PCDHGA11: variants seen among roughly 807,000 people sequenced by gnomAD.
The protein encoded by PCDHGA11 is protocadherin gamma subfamily A, 11.
PCDHGA11 carries 39 observed loss-of-function variants against 60.4 expected under a neutral mutation model. The ratio of observed to expected loss-of-function variants is 0.65; its 90% confidence interval spans 0.50 to 0.84. The LOEUF (loss-of-function observed/expected upper bound fraction) is 0.84. PCDHGA11 is among the 40% of genes least tolerant of loss of function. The pLI is 0.00. For synonymous variants in PCDHGA11, 533 were observed against 510.3 expected (o/e 1.04, Z -0.60); for missense variants, 1,165 against 1,197.7 (o/e 0.97, Z 0.40).
chr5:141,422,777 C>T lies in PCDHGA11; in HGVS notation c.1550C>T (p.Ala517Val). The T allele has an allele frequency of 6.2e-7, 1 of 1,613,982 alleles. No homozygotes were observed. The highest frequency in any genetic ancestry group is 8.5e-7 in the Non-Finnish European group (1 of 1,179,874). Residue 517 changes from alanine (A) to valine (V), a missense_variant, in exon 1 of 4, where the codon GCC becomes GTC. Ala to Val is a moderately conservative substitution (Grantham distance 64, BLOSUM62 0). Transcript: ENST00000398587. ...SINSNTGVLY[A>V]LQSFDYEQFR... is the part of the protein sequence containing the mutation. ...AACTCCAACACTGGTGTTCTCTATG[C>T]CCTACAATCCTTCGACTATGAGCAG...
At position 141,421,474 on chromosome 5, in the gene PCDHGA11, G is replaced by C. The variant is rs1320526226; in HGVS notation, c.247G>C (p.Gly83Arg). 4 of 1,614,132 alleles carry C rather than the reference G, an allele frequency of 2.5e-6. No homozygotes were observed. The African/African-American group carries it at 5.3e-5, about 21-fold the overall frequency. Residue 83 changes from glycine (G) to arginine (R), a missense_variant, in exon 1 of 4, where the codon GGC (glycine) becomes CGC (arginine). Physicochemically the swap from Gly to Arg is moderately radical, Grantham distance 125. Coordinates refer to ENST00000398587, the MANE Select transcript of PCDHGA11 (RefSeq NM_018914.3). Reference protein sequence around the residue: ...TQLFAVNPRSGSLITAGRIDR... With the variant: ...TQLFAVNPRSRSLITAGRIDR... ...GCTTTTCGCTGTGAATCCGCGAAGCGGCAGCTTGATCACGGCAGGCAGGAT... is the reference window on the plus strand; with the variant it reads ...GCTTTTCGCTGTGAATCCGCGAAGCCGCAGCTTGATCACGGCAGGCAGGAT...
At chr5:141,475,988 A>C (rs1197163866) in intron 1 of PCDHGA11, 29 of 1,114,786 alleles carry the variant, frequency 2.6e-5, no homozygotes, top group Non-Finnish European at 3.2e-5. Context: ...GCCGGCGAGC[A>C]AATCAACGGC....
intron 1 of PCDHGA11, among the ~76,000 whole-genome samples, chr5:141,435,696 A>G (rs932132128): frequency 1.3e-5 from 2 of 152,204 alleles, no homozygotes; most frequent in East Asian, 1.9e-4. Context: ...TGCTTATTGT[A>G]GAGTGGTTAC....
intron 1 of PCDHGA11, among the ~76,000 whole-genome samples, chr5:141,463,762 T>C (rs113547206): frequency 2.0e-5 from 3 of 152,214 alleles, no homozygotes; most frequent in African/African-American, 4.8e-5. Flanking sequence ...TCTTCTCTTA[T>C]GGGTTAGAAT....
chr5:141,432,991 CG>C lies in PCDHGA11; in HGVS notation c.2433+9335del. 1.9e-6 allele frequency: 3 copies of C among 1,614,200 alleles called. No homozygotes were observed. Among genetic ancestry groups the C allele is most frequent in the Non-Finnish European group, 2.5e-6 (3 of 1,180,030 alleles). On this transcript the variant is annotated intron_variant, in intron 1 of 3. Transcript: ENST00000398587. This position sits in a 1 kb window ranked among gnomAD's most constrained non-coding sequence, Gnocchi z 6.0. ...CGGCGTCGCACTTTGTGGGCGTGGACGGGGTGCAGGCTTTCCTGCAGACCTA... is the reference window on the plus strand; with the variant it reads ...CGGCGTCGCACTTTGTGGGCGTGGACGGGTGCAGGCTTTCCTGCAGACCTA...
intron 1 of PCDHGA11, among the ~76,000 whole-genome samples, chr5:141,458,809 T>G (rs2098953834): frequency 6.6e-6 from 1 of 152,190 alleles, no homozygotes; most frequent in Non-Finnish European, 1.5e-5. Flanking sequence ...CTCAGCTCAC[T>G]GCAACCTCTG....
At chr5:141,438,091 C>T (rs964466012) in intron 1 of PCDHGA11, among the ~76,000 whole-genome samples, 1 of 152,098 alleles carries the variant, frequency 6.6e-6, no homozygotes, top group Admixed American at 6.6e-5. Flanking sequence ...TTACCAGTAA[C>T]AGGGCATACT....
intron 1 of PCDHGA11, among the ~76,000 whole-genome samples, chr5:141,467,882 C>T (rs1278937609): frequency 6.6e-6 from 1 of 152,036 alleles, no homozygotes; most frequent in East Asian, 1.9e-4. Context: ...TGGTCTCAAA[C>T]TCCTGAGCTC....
intron 1 of PCDHGA11, among the ~76,000 whole-genome samples, chr5:141,459,721 T>C (rs2098973915): frequency 6.6e-6 from 1 of 152,246 alleles, no homozygotes. Context: ...CAATGCTTCC[T>C]ATTGTCAATT....
chr5:141,430,970 A>G (rs1026736997), intron 1 of PCDHGA11: 3 of 1,613,068 alleles, frequency 1.9e-6, no homozygotes, highest in Non-Finnish European at 2.5e-6. Context: ...CCCCAGAGGT[A>G]GGACGCAGCT....
intron 1 of PCDHGA11, among the ~76,000 whole-genome samples, chr5:141,463,966 A>C (rs923614502): frequency 4.6e-5 from 7 of 152,196 alleles, no homozygotes; most frequent in African/African-American, 1.7e-4. Context: ...AAATAGCTTC[A>C]TAAAACTCCA....
intron 2 of PCDHGA11, among the ~76,000 whole-genome samples, chr5:141,496,410 A>G (rs77823969): frequency 0.019 from 2,839 of 152,308 alleles, 40 homozygotes; most frequent in Middle Eastern, 0.082. Context: ...ATGGTTGAGT[A>G]CTTGCTGTCC....
intron 3 of PCDHGA11, among the ~76,000 whole-genome samples, chr5:141,508,752 C>G (rs2099871515): frequency 6.6e-6 from 1 of 152,028 alleles, no homozygotes. Flanking sequence ...CGCTCTTTCT[C>G]TGGCGCCTCT....
At position 141,511,036 on chromosome 5, in the gene PCDHGA11, G is replaced by A. The variant is rs116366286; in HGVS notation, c.2671G>A (p.Val891Met). ...CGGACCCCAGTTCACCCTGCAGCAC[G>A]TGCCCGACTACCGCCAGAATGTCTA... is the stretch of plus-strand genomic sequence containing the variant. ...RYGPQFTLQH[V>M]PDYRQNVYIP... is the part of the protein sequence containing the mutation. Residue 891 changes from valine to methionine, a missense_variant, in exon 4 of 4, where the codon GTG becomes ATG. Physicochemically the swap from Val to Met is conservative, Grantham distance 21. Transcript: ENST00000398587. 5.5e-5 allele frequency: 89 copies of A among 1,614,198 alleles called. No individual in the cohort carries two copies. The highest frequency in any genetic ancestry group is 1.6e-4 in the Middle Eastern group (1 of 6,062).
At chr5:141,488,159 C>T (rs888153570) in intron 1 of PCDHGA11, among the ~76,000 whole-genome samples, 1 of 152,126 alleles carries the variant, frequency 6.6e-6, no homozygotes, top group Non-Finnish European at 1.5e-5. Flanking sequence ...GAGAGGCACG[C>T]ATCAGAGTGG....
Position 141,491,611 on chromosome 5 carries a change from A to G in PCDHGA11, c.2434-3196A>G. The G allele has an allele frequency of 6.2e-7, 1 of 1,613,866 alleles. No individual in the cohort carries two copies. The highest frequency in any genetic ancestry group is 8.5e-7 in the Non-Finnish European group (1 of 1,180,018). Reference sequence around the variant, plus strand: ...GGACGGCAGTGACTTCACTTTTCTAAGACCCCTCAGCGTTCAGCAGCCCAC... The same window carrying G: ...GGACGGCAGTGACTTCACTTTTCTAGGACCCCTCAGCGTTCAGCAGCCCAC... On this transcript the variant is annotated intron_variant, in intron 1 of 3. Transcript: ENST00000398587. This position sits in a 1 kb window ranked among gnomAD's most constrained non-coding sequence, Gnocchi z 6.9.
In PCDHGA11 at chr5:141,430,592, C is replaced by G; in HGVS notation, c.2433+6932C>G. The G allele has an allele frequency of 9.2e-6, 5 of 544,570 alleles. No individual in the cohort carries two copies. In the South Asian group the frequency reaches 3.1e-4, roughly 34 times the overall value. The allele number at this position is 544,570 out of a possible 1,614,324, so 33.7% of individuals were successfully genotyped here. ...AAGCGGAGATCCTGCTCGCCTTGCACGCGCCTGAAGCACAAAGCAGATAGC... is the reference window on the plus strand; with the variant it reads ...AAGCGGAGATCCTGCTCGCCTTGCAGGCGCCTGAAGCACAAAGCAGATAGC... On this transcript the variant is annotated intron_variant, in intron 1 of 3. Coordinates refer to ENST00000398587, the MANE Select transcript of PCDHGA11 (RefSeq NM_018914.3).
Position 141,447,048 on chromosome 5 carries a change from A to G in PCDHGA11, c.2433+23388A>G, listed in dbSNP as rs149112101. Among the ~76,000 whole-genome samples, 216 of 152,182 alleles carry G rather than the reference A, an allele frequency of 1.4e-3. 1 individual carries two copies. Among genetic ancestry groups the G allele is most frequent in the African/African-American group, 4.8e-3 (198 of 41,512 alleles). On this transcript the variant is annotated intron_variant, in intron 1 of 3. Transcript: ENST00000398587. ...GTTTTTTTTCTGTGTCTGGAATTCT[A>G]TTAAAATGTGTCAGGCTGTTTTAAT...
At chr5:141,492,495 G>A (rs750427038) in intron 1 of PCDHGA11, among the ~76,000 whole-genome samples, 65 of 152,186 alleles carry the variant, frequency 4.3e-4, no homozygotes, top group Non-Finnish European at 6.0e-4. Context: ...ACCAGGCGAG[G>A]ACTCCGGAGC....
Sources: gnomAD v4.1 joint callset for allele counts (sites outside exome capture counted in the v4.1 genomes callset) on GRCh38, gnomAD v4.1.1 for gene constraint, Gnocchi (gnomAD v3.1) non-coding constraint, MANE v1.5 for transcripts, NCBI Gene and HGNC (gene_info 2026-07-23, HGNC 2026-07-21) for gene names.